INSR: variants seen among roughly 807,000 people sequenced by gnomAD.
INSR encodes the protein IR.
INSR carries 67 observed loss-of-function variants against 142.6 expected under a neutral mutation model. The observed-to-expected ratio is 0.47, with a 90% CI of 0.39 to 0.58. INSR has a LOEUF of 0.58. Ranked by LOEUF, INSR falls within the 20% of genes least tolerant of loss-of-function variation. The pLI is 0.00. For synonymous variants in INSR, 756 were observed against 743.1 expected (o/e 1.02, Z -0.28); for missense variants, 1,248 against 1,833.2 (o/e 0.68, Z 5.83).
At chr19:7,247,393 C>T (rs1429122198) in intron 2 of INSR, among the ~76,000 whole-genome samples, 5 of 152,194 alleles carry the variant, frequency 3.3e-5, no homozygotes, top group African/African-American at 1.2e-4. Context: ...GGTCAACACA[C>T]CTACTCCTTC....
intron 3 of INSR, among the ~76,000 whole-genome samples, chr19:7,182,274 C>T (rs1027376974): frequency 2.6e-5 from 4 of 152,070 alleles, no homozygotes; most frequent in African/African-American, 9.7e-5. Context: ...GGCTGAGTTG[C>T]AGTGAGCCAA....
At chr19:7,237,188 C>T (rs1275839609) in intron 2 of INSR, among the ~76,000 whole-genome samples, 1 of 151,846 alleles carries the variant, frequency 6.6e-6, no homozygotes, top group African/African-American at 2.4e-5. Context: ...ACTCATATAA[C>T]CAAATACCAC....
rs112878279 is a variant in INSR, at chr19:7,168,183, C to T, written c.1484-89G>A. On this transcript the variant is annotated intron_variant, in intron 6 of 21. Transcript: ENST00000302850. This position sits in a 1 kb window ranked among gnomAD's most constrained non-coding sequence, Gnocchi z 4.3. ...GGACCCCCACACTTCCTGGAGGGAC[C>T]GTGAGAAGGCAGAGGTGACGCTGCT... is the stretch of plus-strand genomic sequence containing the variant. The T allele has an allele frequency of 6.7e-5, 91 of 1,349,494 alleles. 1 individual carries two copies. Among genetic ancestry groups the T allele is most frequent in the African/African-American group, 5.2e-4 (36 of 69,318 alleles). 83.6% of individuals were successfully genotyped at this position (1,349,494 alleles called of 1,614,324 possible).
chr19:7,248,149 A>AT (rs1471500515), intron 2 of INSR, among the ~76,000 whole-genome samples: 2 of 150,378 alleles, frequency 1.3e-5, no homozygotes, highest in African/African-American at 4.9e-5. Context: ...TTTATTTTTT[A>AT]TTTTTTTATT....
rs752847094 is a variant in INSR at position 7,122,594 on chromosome 19, A to T, written c.3529+20T>A. On this transcript the variant is annotated intron_variant, in intron 19 of 21. Coordinates refer to ENST00000302850, the MANE Select transcript of INSR (RefSeq NM_000208.4). ...CCTGGCCTGGGTCGTTATGTTTTCA[A>T]AGCAGAAAGCCAGACGAACCTCCAA... 6.2e-7 allele frequency: 1 copy of T among 1,614,110 alleles called. No homozygotes were observed. Among genetic ancestry groups the T allele is most frequent in the Non-Finnish European group, 8.5e-7 (1 of 1,179,954 alleles).
intron 1 of INSR, among the ~76,000 whole-genome samples, 170 bp downstream of exon 1, chr19:7,293,622 G>A (rs1384247149): frequency 6.6e-6 from 1 of 152,184 alleles, no homozygotes; most frequent in Non-Finnish European, 1.5e-5. Flanking sequence ...CAAAGGCCAA[G>A]GTCAGAGGCT....
chr19:7,138,935 C>T (rs1290798680), intron 13 of INSR, among the ~76,000 whole-genome samples: 1 of 152,140 alleles, frequency 6.6e-6, no homozygotes, highest in Admixed American at 6.5e-5. Context: ...CTATGAGACT[C>T]TGGAAGCCTC....
intron 2 of INSR, among the ~76,000 whole-genome samples, chr19:7,260,393 T>G (rs1410413054): frequency 1.3e-5 from 2 of 152,130 alleles, no homozygotes; most frequent in African/African-American, 4.8e-5. Context: ...TGGGTTTGGC[T>G]AAAGCAGCTG....
intron 3 of INSR, among the ~76,000 whole-genome samples, chr19:7,183,044 C>G (rs1277807263): frequency 6.6e-6 from 1 of 151,828 alleles, no homozygotes; most frequent in East Asian, 1.9e-4. Flanking sequence ...ACATATTGTA[C>G]TTGCAGGTTT....
At chr19:7,161,573 G>A (rs1473399164) in intron 9 of INSR, among the ~76,000 whole-genome samples, 3 of 152,066 alleles carry the variant, frequency 2.0e-5, no homozygotes, top group Non-Finnish European at 4.4e-5. Context: ...AAAGTATGGG[G>A]TGGGGGATAT....
At chr19:7,212,058 GC>G (rs1975292434) in intron 2 of INSR, among the ~76,000 whole-genome samples, 1 of 152,064 alleles carries the variant, frequency 6.6e-6, no homozygotes, top group Non-Finnish European at 1.5e-5. Context: ...CTGGGGAGGG[GC>G]CGTCTTGTAC....
intron 2 of INSR, among the ~76,000 whole-genome samples, chr19:7,262,399 GAGGC>G (rs1977091579): frequency 6.6e-6 from 1 of 152,202 alleles, no homozygotes; most frequent in Admixed American, 6.6e-5. Flanking sequence ...TTGAACCCGG[GAGGC>G]AGAGGTTGCA....
At chr19:7,265,339 GCTGT>G (rs1433371270) in intron 2 of INSR, among the ~76,000 whole-genome samples, 42 of 152,294 alleles carry the variant, frequency 2.8e-4, no homozygotes, top group African/African-American at 1.0e-3. Flanking sequence ...ATAATCAACA[GCTGT>G]CTGAGGCCCC....
rs533582304 is a variant in INSR at position 7,114,043 on chromosome 19, G to C, written c.*3013C>G. The C allele has an allele frequency of 1.8e-4, 14 of 79,242 alleles. No individual in the cohort carries two copies. The South Asian group carries it at 6.4e-3, about 36-fold the overall frequency. 4.9% of individuals were successfully genotyped at this position (79,242 alleles called of 1,614,324 possible). Reference sequence around the variant, plus strand: ...CCCCAACACAGAGGTCCAAGGTGTTGTTGCAAAAAAAAAAAAAAAAAAAAA... The same window carrying C: ...CCCCAACACAGAGGTCCAAGGTGTTCTTGCAAAAAAAAAAAAAAAAAAAAA... On this transcript the variant is annotated 3_prime_UTR_variant, in exon 22 of 22. Transcript: ENST00000302850.
chr19:7,152,997 CCCA>C lies in INSR; in HGVS notation c.2030-73_2030-71del. The C allele has an allele frequency of 3.0e-5, 21 of 692,002 alleles. No homozygotes were observed. The East Asian group carries it at 4.9e-4, about 16-fold the overall frequency. The allele number at this position is 692,002 out of a possible 1,614,324, so 42.9% of individuals were successfully genotyped here. A position where few individuals can be genotyped will look rare whatever the true frequency, so the allele number is the denominator to read the frequency against. On this transcript the variant is annotated intron_variant, in intron 9 of 21. Transcript: ENST00000302850. The stretch of plus-strand genomic sequence containing the variant: ...AACACACATACACACACACACACAC[CCCA>C]CACACACACACACCACACACACACA...
At position 7,192,156 on chromosome 19, in the gene INSR, GAAAGAA is replaced by G. The variant is rs1974613818; in HGVS notation, c.653-7525_653-7520del. ...AAGAAAGATAAGAGAGAGAGAAAGAGAAAGAAAAAGAAAGACAGAGAAAGAAAAGAA... is the reference window on the plus strand; with the variant it reads ...AAGAAAGATAAGAGAGAGAGAAAGAGAAAGAAAGACAGAGAAAGAAAAGAA... On this transcript the variant is annotated intron_variant, in intron 2 of 21. Coordinates refer to ENST00000302850, the MANE Select transcript of INSR (RefSeq NM_000208.4). This position sits in a 1 kb window ranked among gnomAD's most constrained non-coding sequence, Gnocchi z 4.2. Among the ~76,000 whole-genome samples, 2 of 124,362 alleles carry G rather than the reference GAAAGAA, an allele frequency of 1.6e-5. No homozygotes were observed. The highest frequency in any genetic ancestry group is 3.4e-5 in the Non-Finnish European group (2 of 59,470). The allele number at this position is 124,362 out of a possible 152,430, so 81.6% of individuals were successfully genotyped here.
In INSR at chr19:7,116,276, A is replaced by T. The variant is rs1479575832; in HGVS notation, c.*780T>A. On this transcript the variant is annotated 3_prime_UTR_variant, in exon 22 of 22. Coordinates refer to ENST00000302850, the MANE Select transcript of INSR (RefSeq NM_000208.4). ...CACAAGAAGAATCTGTCGAGAGCAC[A>T]GTCTCCCAGTCAATAAGAAGGAAGG... 1.3e-5 allele frequency: 2 copies of T among 151,908 alleles called. No homozygotes were observed. 9.4% of individuals were successfully genotyped at this position (151,908 alleles called of 1,614,324 possible).
intron 21 of INSR, among the ~76,000 whole-genome samples, chr19:7,118,294 A>G (rs1287111515): frequency 6.6e-6 from 1 of 151,642 alleles, no homozygotes; most frequent in African/African-American, 2.4e-5. Flanking sequence ...AATATATAAT[A>G]TGTATGCCTG....
At chr19:7,214,007 G>T (rs1350057617) in intron 2 of INSR, among the ~76,000 whole-genome samples, 1 of 147,828 alleles carries the variant, frequency 6.8e-6, no homozygotes, top group Non-Finnish European at 1.5e-5. Context: ...AAAAGGAAAT[G>T]GGATACAGAC....
Sources: allele counts gnomAD v4.1 joint callset (sites outside exome capture counted in the v4.1 genomes callset), GRCh38; gene constraint gnomAD v4.1.1; non-coding constraint Gnocchi (gnomAD v3.1); transcripts MANE v1.5; gene names NCBI Gene and HGNC (gene_info 2026-07-23, HGNC 2026-07-21).